NFAT5: variants seen among roughly 807,000 people sequenced by gnomAD.
NFAT5 encodes nuclear factor of activated T-cells 5.
NFAT5 carries 31 observed loss-of-function variants against 166.5 expected under a neutral mutation model. That is an observed-to-expected ratio of 0.19 (90% confidence interval 0.14 to 0.25). The LOEUF (loss-of-function observed/expected upper bound fraction) is 0.25. NFAT5 is among the 10% of genes least tolerant of loss of function. The pLI, the probability that NFAT5 is intolerant of heterozygous loss-of-function variation, is 1.00. For missense variants in NFAT5, 1,449 were observed against 1,821.8 expected (o/e 0.80, Z 3.72); for synonymous variants, 612 against 639.7 (o/e 0.96, Z 0.65).
At chr16:69,578,935 C>T (rs377182686) in intron 2 of NFAT5, among the ~76,000 whole-genome samples, 13 of 150,298 alleles carry the variant, frequency 8.6e-5, no homozygotes, top group Non-Finnish European at 1.3e-4. Flanking sequence ...AGTGCAGTGG[C>T]GTAATCTCGG....
chr16:69,574,337 T>G (rs1228275565), intron 2 of NFAT5, among the ~76,000 whole-genome samples: 1 of 152,226 alleles, frequency 6.6e-6, no homozygotes, highest in Non-Finnish European at 1.5e-5. Flanking sequence ...GCTTATTAAT[T>G]TGTATTATTG....
intron 4 of NFAT5, chr16:69,649,474 A>G (rs890633702): frequency 1.4e-5 from 14 of 984,370 alleles, no homozygotes; most frequent in Non-Finnish European, 1.7e-5. Context: ...TTACCCAGGG[A>G]AAGTATAATG....
chr16:69,679,290 C>T (rs2036958849), intron 10 of NFAT5, among the ~76,000 whole-genome samples: 1 of 151,970 alleles, frequency 6.6e-6, no homozygotes, highest in South Asian at 2.1e-4. Flanking sequence ...TAATTTGTTA[C>T]AAAAGGTATG....
At position 69,693,896 on chromosome 16, in the gene NFAT5, A is replaced by G; in HGVS notation, c.4071A>G (p.Pro1357=). ...SQSTVSSLQN[P]GPTQSESSQT... ...CCACAGTTTCCTCACTTCAGAACCC[A>G]GGTCCTACCCAGTCGGAATCATCAC... Residue 1357 remains proline (P), a synonymous_variant, in exon 13 of 15, where the codon CCA becomes CCG. Transcript: ENST00000349945. 1 of 1,614,208 alleles carries G rather than the reference A, an allele frequency of 6.2e-7. No individual in the cohort carries two copies. The highest frequency in any genetic ancestry group is 8.5e-7 in the Non-Finnish European group (1 of 1,180,032).
intron 7 of NFAT5, among the ~76,000 whole-genome samples, chr16:69,669,054 C>T (rs553087666): frequency 3.3e-5 from 5 of 152,214 alleles, no homozygotes; most frequent in Admixed American, 2.6e-4. Flanking sequence ...ACTACCACGC[C>T]CAGCTAATTT....
At chr16:69,658,047 G>A (rs1207377940) in intron 6 of NFAT5, among the ~76,000 whole-genome samples, 3 of 150,278 alleles carry the variant, frequency 2.0e-5, no homozygotes, top group Admixed American at 2.0e-4. Context: ...TCGCTCCACT[G>A]CACTCCAGCC....
intron 2 of NFAT5, among the ~76,000 whole-genome samples, chr16:69,594,207 A>G (rs966464937): frequency 1.3e-5 from 2 of 152,218 alleles, no homozygotes; most frequent in African/African-American, 4.8e-5. Flanking sequence ...ACACAAACCT[A>G]TGTGGTATAG....
intron 2 of NFAT5, among the ~76,000 whole-genome samples, chr16:69,589,211 C>T (rs2032307973): frequency 6.6e-6 from 1 of 151,990 alleles, no homozygotes; most frequent in Non-Finnish European, 1.5e-5. Context: ...TCAGGCTGGT[C>T]TTGAACTCCC....
intron 3 of NFAT5, among the ~76,000 whole-genome samples, chr16:69,639,208 A>G (rs1024572542): frequency 6.6e-6 from 1 of 152,196 alleles, no homozygotes; most frequent in Admixed American, 6.5e-5. Context: ...TTTAATGTGT[A>G]TATCTAGTAC....
chr16:69,646,507 T>C, intron 3 of NFAT5: 1 of 1,220,434 alleles, frequency 8.2e-7, no homozygotes, highest in South Asian at 1.4e-5. Flanking sequence ...TTCTCATATT[T>C]TTATTCCAGG....
At chr16:69,622,854 A>G (rs2034263974) in intron 2 of NFAT5, among the ~76,000 whole-genome samples, 1 of 150,872 alleles carries the variant, frequency 6.6e-6, no homozygotes, top group African/African-American at 2.4e-5. Flanking sequence ...AAAGAAAAAA[A>G]TAGACTCGAG....
chr16:69,674,165 C>A (rs962615058), intron 9 of NFAT5, among the ~76,000 whole-genome samples: 3 of 150,632 alleles, frequency 2.0e-5, no homozygotes, highest in African/African-American at 7.3e-5. Flanking sequence ...ATCACTTGAA[C>A]CCAGGAGGCG....
intron 2 of NFAT5, among the ~76,000 whole-genome samples, chr16:69,586,080 C>CT (rs971234220): frequency 2.0e-5 from 3 of 151,966 alleles, no homozygotes; most frequent in Non-Finnish European, 4.4e-5. Flanking sequence ...AGATGCACTA[C>CT]TTTTTTTTGT....
At chr16:69,569,223 C>T (rs533755203) in intron 2 of NFAT5, among the ~76,000 whole-genome samples, 16 of 151,128 alleles carry the variant, frequency 1.1e-4, no homozygotes, top group Non-Finnish European at 4.4e-5. Context: ...GAAGTGATTT[C>T]ACATATATCA....
intron 2 of NFAT5, among the ~76,000 whole-genome samples, chr16:69,616,613 TC>T (rs1389483406): frequency 6.6e-6 from 1 of 152,070 alleles, no homozygotes; most frequent in East Asian, 1.9e-4. Context: ...GCTGTCCTCA[TC>T]CCACCTCTTG....
chr16:69,583,589 A>G (rs2031841793), intron 2 of NFAT5, among the ~76,000 whole-genome samples: 1 of 152,152 alleles, frequency 6.6e-6, no homozygotes, highest in Admixed American at 6.6e-5. Context: ...AATCTGTAAA[A>G]TATTAGAATC....
chr16:69,685,195 T>A (rs969242927), intron 11 of NFAT5: 40 of 153,890 alleles, frequency 2.6e-4, no homozygotes, highest in African/African-American at 4.0e-4. Flanking sequence ...TATATATTTT[T>A]TTTTTTAAGT....
intron 2 of NFAT5, among the ~76,000 whole-genome samples, chr16:69,606,555 T>C (rs532019781): frequency 1.3e-5 from 2 of 152,184 alleles, no homozygotes; most frequent in South Asian, 2.1e-4. Context: ...GTACAAGACC[T>C]GTAGAAAGGA....
At chr16:69,648,508 A>G in intron 4 of NFAT5, 1 of 983,490 alleles carries the variant, frequency 1.0e-6, no homozygotes, top group Admixed American at 6.2e-5. Flanking sequence ...TTAGAGGGTG[A>G]TGAAACAGGA....
Sources: allele counts gnomAD v4.1 joint callset (sites outside exome capture counted in the v4.1 genomes callset), GRCh38; gene constraint gnomAD v4.1.1; transcripts MANE v1.5; gene names NCBI Gene and HGNC (gene_info 2026-07-23, HGNC 2026-07-21).